Variants in ACTR2 observed in about 807,000 individuals in gnomAD.
ACTR2 encodes the protein actin-related protein 2.
ACTR2 carries 5 observed loss-of-function variants against 50.2 expected under a neutral mutation model. The observed-to-expected ratio is 0.10, with a 90% CI of 0.05 to 0.21. The LOEUF is 0.21. ACTR2 is among the 10% of genes least tolerant of loss of function. The pLI is 1.00. For missense variants in ACTR2, 180 were observed against 480.6 expected (o/e 0.37, Z 5.85); for synonymous variants, 140 against 162.9 (o/e 0.86, Z 1.07).
At chr2:65,236,168 G>A (rs896970164) in intron 1 of ACTR2, among the ~76,000 whole-genome samples, 4 of 151,834 alleles carry the variant, frequency 2.6e-5, no homozygotes, top group African/African-American at 7.3e-5. Flanking sequence ...GTGAAACCCC[G>A]TCTCTACTAA....
intron 1 of ACTR2, among the ~76,000 whole-genome samples, chr2:65,230,263 G>A (rs1239354764): frequency 6.6e-6 from 1 of 152,018 alleles, no homozygotes. Context: ...TTTTGTGATT[G>A]TGTCAGATAC....
chr2:65,264,664 GC>G (rs1672340412), intron 7 of ACTR2, among the ~76,000 whole-genome samples: 1 of 152,098 alleles, frequency 6.6e-6, no homozygotes, highest in East Asian at 1.9e-4. Context: ...AAATTAAAAA[GC>G]AGGAATTCTG....
intron 8 of ACTR2, 30 bp from the exon 9 acceptor site, chr2:65,268,534 C>G: frequency 6.3e-7 from 1 of 1,597,686 alleles, no homozygotes; most frequent in South Asian, 1.1e-5. Flanking sequence ...TGCACATGTA[C>G]CATTTCATTA....
chr2:65,232,513 A>G (rs1558619240), intron 1 of ACTR2, among the ~76,000 whole-genome samples: 1 of 152,236 alleles, frequency 6.6e-6, no homozygotes, highest in African/African-American at 2.4e-5. Context: ...TATAAGTAGA[A>G]TAAATATTTT....
chr2:65,267,034 A>C lies in ACTR2; in HGVS notation c.1015-1530A>C, dbSNP rs1672385021. On this transcript the variant is annotated intron_variant, in intron 8 of 8. Coordinates refer to ENST00000260641, the MANE Select transcript of ACTR2 (RefSeq NM_005722.4). ...TGAAGAGCAATAACTCATATTACCA[A>C]ACCTCCAGGGTTAAGGTAGTGTGTG... is the stretch of plus-strand genomic sequence containing the variant. Among the ~76,000 whole-genome samples, 4 of 152,204 alleles carry C rather than the reference A, an allele frequency of 2.6e-5. No homozygotes were observed. In the South Asian group the frequency reaches 8.3e-4, roughly 31 times the overall value.
intron 1 of ACTR2, among the ~76,000 whole-genome samples, chr2:65,239,550 A>G (rs1173990815): frequency 6.6e-6 from 1 of 152,230 alleles, no homozygotes; most frequent in African/African-American, 2.4e-5. Flanking sequence ...GAGCTCTGTT[A>G]GGTATTGGAT....
chr2:65,252,187 TC>T (rs1672064722), intron 4 of ACTR2, among the ~76,000 whole-genome samples: 1 of 152,096 alleles, frequency 6.6e-6, no homozygotes, highest in Non-Finnish European at 1.5e-5. Flanking sequence ...TAGTCAGTGT[TC>T]CTGGGAGTAT....
chr2:65,256,089 C>A (rs1410250451), intron 6 of ACTR2, among the ~76,000 whole-genome samples: 1 of 152,176 alleles, frequency 6.6e-6, no homozygotes, highest in Non-Finnish European at 1.5e-5. Context: ...GATTTCACTT[C>A]ACTGTAGAAC....
chr2:65,237,529 A>T (rs1419555073), intron 1 of ACTR2, among the ~76,000 whole-genome samples: 1 of 152,080 alleles, frequency 6.6e-6, no homozygotes, highest in Non-Finnish European at 1.5e-5. Context: ...GGTGTGAGCC[A>T]CTGGGCCCAG....
intron 7 of ACTR2, among the ~76,000 whole-genome samples, chr2:65,262,571 C>T (rs2104019112): frequency 6.6e-6 from 1 of 152,098 alleles, no homozygotes; most frequent in East Asian, 1.9e-4. Context: ...TGCCAAATTT[C>T]CCTCTCTGGC....
intron 6 of ACTR2, among the ~76,000 whole-genome samples, chr2:65,255,905 A>T (rs1203542136): frequency 2.0e-5 from 3 of 152,198 alleles, no homozygotes; most frequent in Non-Finnish European, 4.4e-5. Context: ...AAGAATCATA[A>T]ATTACTCTCT....
chr2:65,245,001 T>A (rs934750136), intron 2 of ACTR2, among the ~76,000 whole-genome samples: 3 of 151,704 alleles, frequency 2.0e-5, no homozygotes, highest in South Asian at 4.1e-4. Flanking sequence ...AGTAATAAGT[T>A]AGTAAGTTAT....
intron 8 of ACTR2, among the ~76,000 whole-genome samples, chr2:65,266,798 G>C (rs1284469401): frequency 2.6e-5 from 4 of 152,302 alleles, no homozygotes. Flanking sequence ...TTGCCATGCA[G>C]CAGGAAGGGC....
Position 65,271,245 on chromosome 2 carries a change from CAA to C in ACTR2, c.*2513_*2514del, listed in dbSNP as rs977796417. 6.6e-6 allele frequency: 1 copy of C among 152,090 alleles called. No homozygotes were observed. The highest frequency in any genetic ancestry group is 2.4e-5 in the African/African-American group (1 of 41,420). 9.4% of individuals were successfully genotyped at this position (152,090 alleles called of 1,614,324 possible). On this transcript the variant is annotated 3_prime_UTR_variant, in exon 9 of 9. Coordinates refer to ENST00000260641, the MANE Select transcript of ACTR2 (RefSeq NM_005722.4). The stretch of plus-strand genomic sequence containing the variant: ...TTGAGAAAATAAAATCAGATTTTTT[CAA>C]AGTCAATTTGAATTTTGTCATTTCT...
chr2:65,243,573 G>A (rs1671881315), intron 2 of ACTR2, among the ~76,000 whole-genome samples: 1 of 152,120 alleles, frequency 6.6e-6, no homozygotes, highest in South Asian at 2.1e-4. Context: ...AGGCTGCAGT[G>A]GGTGATGACA....
chr2:65,268,113 A>ATG (rs750463045), intron 8 of ACTR2, among the ~76,000 whole-genome samples: 1 of 151,964 alleles, frequency 6.6e-6, no homozygotes, highest in Non-Finnish European at 1.5e-5. Flanking sequence ...CTGGGATTAC[A>ATG]CTTGAGCCAC....
rs1672486173 is a variant in ACTR2, at chr2:65,271,081, A to G, written c.*2347A>G. ...AAAGTCCCCAAGACATTAGTCTTACATTTAAACTTTTTTCTTTAAAACATG... is the reference window on the plus strand; with the variant it reads ...AAAGTCCCCAAGACATTAGTCTTACGTTTAAACTTTTTTCTTTAAAACATG... On this transcript the variant is annotated 3_prime_UTR_variant, in exon 9 of 9. Coordinates refer to ENST00000260641, the MANE Select transcript of ACTR2 (RefSeq NM_005722.4). 1 of 152,178 alleles carries G rather than the reference A, an allele frequency of 6.6e-6. No individual in the cohort carries two copies. The highest frequency in any genetic ancestry group is 6.5e-5 in the Admixed American group (1 of 15,284). 9.4% of individuals were successfully genotyped at this position (152,178 alleles called of 1,614,324 possible).
chr2:65,247,252 A>G (rs959649090), intron 3 of ACTR2, among the ~76,000 whole-genome samples: 5 of 152,210 alleles, frequency 3.3e-5, no homozygotes, highest in Non-Finnish European at 5.9e-5. Flanking sequence ...TATGTATTAT[A>G]TACTATATTC....
intron 3 of ACTR2, among the ~76,000 whole-genome samples, 153 bp from the exon 4 acceptor site, chr2:65,250,874 A>G (rs34998554): frequency 1.3e-5 from 2 of 152,144 alleles, no homozygotes; most frequent in Non-Finnish European, 2.9e-5. Context: ...GACTTCAATA[A>G]GAAATAAGAG....
Sources: allele counts gnomAD v4.1 joint callset (sites outside exome capture counted in the v4.1 genomes callset), GRCh38; gene constraint gnomAD v4.1.1; transcripts MANE v1.5; gene names NCBI Gene and HGNC (gene_info 2026-07-23, HGNC 2026-07-21).